Variants in SLC36A1 observed in about 807,000 individuals in gnomAD.
SLC36A1 encodes the protein proton-coupled amino acid transporter 1.
SLC36A1 carries 30 observed loss-of-function variants against 47.5 expected under a neutral mutation model. The ratio of observed to expected loss-of-function variants is 0.63; its 90% CI spans 0.47 to 0.86. The LOEUF (loss-of-function observed/expected upper bound fraction) is 0.86, where lower values mean the gene tolerates loss of function less well. Among genes scored for constraint, SLC36A1 ranks in the 40% least tolerant of loss-of-function variants. The probability of loss-of-function intolerance (pLI) is 0.00; values close to 1 mark genes in which losing one functional copy is unlikely to be tolerated. For missense variants in SLC36A1, 517 were observed against 606.0 expected (o/e 0.85, Z 1.54); for synonymous variants, 255 against 249.7 (o/e 1.02, Z -0.20).
the SLC36A1 span, among the ~76,000 whole-genome samples, chr5:151,414,319 G>T: frequency 6.6e-6 from 1 of 152,092 alleles, no homozygotes; most frequent in African/African-American, 2.4e-5. Context: ...GCATAAATAA[G>T]GGCTCAGTGT....
the SLC36A1 span, among the ~76,000 whole-genome samples, chr5:151,502,509 G>A: frequency 1.4e-5 from 2 of 147,752 alleles, no homozygotes; most frequent in African/African-American, 2.7e-5. Flanking sequence ...CGTCACTAAA[G>A]CAGATCTATA....
At chr5:151,424,348 G>T in the SLC36A1 span, among the ~76,000 whole-genome samples, 1 of 152,170 alleles carries the variant, frequency 6.6e-6, no homozygotes, top group African/African-American at 2.4e-5. Flanking sequence ...GAGGAAGAAA[G>T]GCAGAGGACA....
the SLC36A1 span, among the ~76,000 whole-genome samples, chr5:151,526,510 C>G: frequency 6.6e-6 from 1 of 152,192 alleles, no homozygotes; most frequent in African/African-American, 2.4e-5. Flanking sequence ...TACTATAACA[C>G]AATGGTTGCT....
chr5:151,494,581 C>G (rs1232863673), downstream of SLC36A1, among the ~76,000 whole-genome samples: 1 of 152,202 alleles, frequency 6.6e-6, no homozygotes, highest in Non-Finnish European at 1.5e-5. Flanking sequence ...GTTTCTTTCA[C>G]TTAACATAAT....
the SLC36A1 span, among the ~76,000 whole-genome samples, chr5:151,384,114 T>G: frequency 1.3e-5 from 2 of 152,194 alleles, no homozygotes; most frequent in African/African-American, 4.8e-5. Flanking sequence ...AATGTTTGTA[T>G]CTTCCAAAAA....
intron 10 of SLC36A1, among the ~76,000 whole-genome samples, chr5:151,480,542 A>G (rs1310680613): frequency 6.6e-6 from 1 of 152,220 alleles, no homozygotes; most frequent in East Asian, 1.9e-4. Context: ...CAGCCCACGC[A>G]GCAGCTAATC....
the SLC36A1 span, among the ~76,000 whole-genome samples, chr5:151,359,055 A>T: frequency 1.3e-5 from 2 of 151,524 alleles, no homozygotes; most frequent in Non-Finnish European, 2.9e-5. Context: ...AGGAATCTAC[A>T]TTTTTATAAA....
At chr5:151,359,853 A>G in the SLC36A1 span, among the ~76,000 whole-genome samples, 16 of 152,144 alleles carry the variant, frequency 1.1e-4, no homozygotes, top group Non-Finnish European at 1.9e-4. Context: ...ACAAACCAAT[A>G]GTTTGTTTCT....
the SLC36A1 span, among the ~76,000 whole-genome samples, chr5:151,419,193 T>C: frequency 2.0e-5 from 3 of 152,354 alleles, no homozygotes; most frequent in South Asian, 6.2e-4. Flanking sequence ...GGGCAGTTTT[T>C]TATAGCAGTG....
At chr5:151,543,946 C>T in the SLC36A1 span, 1 of 1,614,018 alleles carries the variant, frequency 6.2e-7, no homozygotes, top group Admixed American at 1.7e-5. Flanking sequence ...CAGGTGTCCA[C>T]AGGTTGCCAG....
At chr5:151,380,643 C>T in the SLC36A1 span, 16 of 552,880 alleles carry the variant, frequency 2.9e-5, no homozygotes. Context: ...TAGTGGCTCA[C>T]ATCGTCAACC....
the SLC36A1 span, among the ~76,000 whole-genome samples, chr5:151,362,038 G>A: frequency 1.3e-5 from 2 of 152,142 alleles, no homozygotes; most frequent in Non-Finnish European, 2.9e-5. Context: ...ATTATCATAA[G>A]CCTGGGTAGC....
chr5:151,528,155 G>T, the SLC36A1 span: 1 of 1,610,944 alleles, frequency 6.2e-7, no homozygotes, highest in Non-Finnish European at 8.5e-7. Flanking sequence ...TAGGGGGATT[G>T]TGAATGGAGG....
At chr5:151,383,307 G>C in the SLC36A1 span, among the ~76,000 whole-genome samples, 6 of 152,228 alleles carry the variant, frequency 3.9e-5, no homozygotes, top group South Asian at 8.3e-4. Flanking sequence ...TTCCAGGCCG[G>C]GGGTGGAGTA....
At chr5:151,469,633 G>T (rs1757046392) in intron 7 of SLC36A1, among the ~76,000 whole-genome samples, 1 of 151,976 alleles carries the variant, frequency 6.6e-6, no homozygotes, top group South Asian at 2.1e-4. Context: ...GTGCACTTTT[G>T]AATTTTTGTT....
the SLC36A1 span, among the ~76,000 whole-genome samples, chr5:151,515,971 G>A: frequency 1.3e-5 from 2 of 152,212 alleles, no homozygotes; most frequent in African/African-American, 2.4e-5. Flanking sequence ...ATCCCATTAC[G>A]TCTCTGACCA....
the SLC36A1 span, among the ~76,000 whole-genome samples, chr5:151,370,052 C>T: frequency 6.6e-5 from 10 of 152,138 alleles, no homozygotes; most frequent in Admixed American, 2.0e-4. Context: ...CTGCCCACCT[C>T]GACCTCCCAA....
chr5:151,380,720 T>A, the SLC36A1 span: 4 of 548,114 alleles, frequency 7.3e-6, no homozygotes, highest in East Asian at 1.5e-4. Context: ...TAGATGTCCA[T>A]CGACCTCATC....
At chr5:151,518,363 A>AT in the SLC36A1 span, among the ~76,000 whole-genome samples, 620 of 133,932 alleles carry the variant, frequency 4.6e-3, 3 homozygotes, top group East Asian at 0.015. Flanking sequence ...AATAATAATA[A>AT]TAATAATAAT....
Sources: allele counts gnomAD v4.1 joint callset (sites outside exome capture counted in the v4.1 genomes callset), GRCh38; gene constraint gnomAD v4.1.1; transcripts MANE v1.5; gene names NCBI Gene and HGNC (gene_info 2026-07-23, HGNC 2026-07-21).